The following SYNE2 variants were observed in gnomAD, a reference collection of about 807,000 sequenced individuals.
SYNE2 encodes nesprin-2.
Under a neutral mutation model 856.3 loss-of-function variants are expected in SYNE2, and 431 were observed. The observed-to-expected ratio is 0.50, with a 90% CI of 0.47 to 0.55. SYNE2 has a LOEUF of 0.55. Among genes scored for constraint, SYNE2 ranks in the 20% least tolerant of loss-of-function variants. The probability of loss-of-function intolerance (pLI) is 0.00; values close to 1 mark genes in which losing one functional copy is unlikely to be tolerated. For missense variants in SYNE2, 8,129 were observed against 8,023.2 expected, an observed-to-expected ratio of 1.01 and a Z score of -0.50; for synonymous variants, 2,923 against 2,872.3, an observed-to-expected ratio of 1.02 and a Z score of -0.56.
At chr14:63,995,755 A>ATCTATCTATCTG (rs2096709215) in intron 23 of SYNE2, among the ~76,000 whole-genome samples, 1 of 151,862 alleles carries the variant, frequency 6.6e-6, no homozygotes, top group South Asian at 2.1e-4. Flanking sequence ...CTATCTATCT[A>ATCTATCTATCTG]TCTATCTATC....
intron 1 of SYNE2, among the ~76,000 whole-genome samples, chr14:63,907,394 A>G (rs77148356): frequency 0.015 from 2,221 of 152,252 alleles, 48 homozygotes; most frequent in African/African-American, 0.05. Flanking sequence ...TGGCTCCATC[A>G]TTTATTACCT....
intron 1 of SYNE2, among the ~76,000 whole-genome samples, chr14:63,874,308 C>T (rs757414455): frequency 2.0e-5 from 3 of 152,152 alleles, no homozygotes; most frequent in Non-Finnish European, 4.4e-5. Context: ...AGCATTGCAT[C>T]TGATTTCCTT....
At chr14:64,114,753 G>T (rs537620257) in intron 66 of SYNE2, among the ~76,000 whole-genome samples, 1 of 151,860 alleles carries the variant, frequency 6.6e-6, no homozygotes, top group Admixed American at 6.6e-5. Flanking sequence ...GGGTAGCTGG[G>T]ACTACAGCCC....
intron 1 of SYNE2, among the ~76,000 whole-genome samples, chr14:63,770,699 A>G (rs1047655235): frequency 5.3e-5 from 8 of 152,030 alleles, no homozygotes; most frequent in African/African-American, 1.7e-4. Flanking sequence ...CTGAGCTGGG[A>G]GGATCATTTG....
chr14:63,878,534 T>C (rs1595384196), intron 1 of SYNE2, among the ~76,000 whole-genome samples: 1 of 150,674 alleles, frequency 6.6e-6, no homozygotes, highest in African/African-American at 2.4e-5. Context: ...TTTTATTTTT[T>C]TCTTTATTTT....
intron 11 of SYNE2, among the ~76,000 whole-genome samples, chr14:63,974,804 G>GTGTGTATATA (rs2096519521): frequency 7.6e-6 from 1 of 130,862 alleles, no homozygotes; most frequent in Non-Finnish European, 1.6e-5. Flanking sequence ...GTGTATATAT[G>GTGTGTATATA]TGTATATATG....
intron 102 of SYNE2, 73 bp downstream of exon 102, chr14:64,209,651 C>G: frequency 6.3e-7 from 1 of 1,593,550 alleles, no homozygotes; most frequent in Non-Finnish European, 8.5e-7. Flanking sequence ...GCTGAAATGA[C>G]TTCCTCTAAG....
In SYNE2 at chr14:64,141,961, C is replaced by T. The variant is rs371146862; in HGVS notation, c.15179C>T (p.Pro5060Leu). The change falls in exon 82 of 116, where the codon CCG becomes CTG. Residue 5060 changes from proline (P) to leucine (L), a missense_variant. By Grantham distance (98) the Pro-to-Leu change is moderately conservative. Transcript: ENST00000555002. The part of the protein sequence containing the change: ...KLHQLQMEKL[P>L]SRKAITEMIS... ...TTACAGCTTCAAATGGAGAAATTGCCGTCTCGTAAAGCAATCACAGAAATG... is the reference window on the plus strand; with the variant it reads ...TTACAGCTTCAAATGGAGAAATTGCTGTCTCGTAAAGCAATCACAGAAATG... The T allele has an allele frequency of 1.9e-5, 31 of 1,613,836 alleles. No individual in the cohort carries two copies. The African/African-American group carries it at 2.0e-4, about 10-fold the overall frequency.
Position 63,999,050 on chromosome 14 carries a change from A to G in SYNE2, c.3480+10A>G. 1 of 1,612,002 alleles carries G rather than the reference A, an allele frequency of 6.2e-7. No homozygotes were observed. The highest frequency in any genetic ancestry group is 8.5e-7 in the Non-Finnish European group (1 of 1,178,288). ...ACTGACAGATCTACAGGTAATTACC[A>G]AAAATATTATTTCTCTGATTATCTT... On this transcript the variant is annotated intron_variant, in intron 27 of 115. Transcript: ENST00000555002.
intron 99 of SYNE2, among the ~76,000 whole-genome samples, chr14:64,201,152 G>A (rs1405590779): frequency 6.6e-6 from 1 of 152,208 alleles, no homozygotes; most frequent in Non-Finnish European, 1.5e-5. Flanking sequence ...AGAGCTCTTA[G>A]ATGGGAGAAT....
intron 93 of SYNE2, among the ~76,000 whole-genome samples, chr14:64,169,936 C>T (rs988636735): frequency 2.0e-5 from 3 of 152,136 alleles, no homozygotes; most frequent in African/African-American, 4.8e-5. Flanking sequence ...TTCCTTTCCA[C>T]GTTTGGCCTA....
chr14:64,040,596 A>AT (rs1290538701), intron 45 of SYNE2, among the ~76,000 whole-genome samples: 19 of 55,566 alleles, frequency 3.4e-4, no homozygotes, highest in Admixed American at 1.2e-3. Flanking sequence ...GTGAGGTTAA[A>AT]AATATATATA....
chr14:63,909,274 C>T (rs1007145207), intron 2 of SYNE2, 47 bp downstream of exon 2: 1 of 1,316,872 alleles, frequency 7.6e-7, no homozygotes, highest in Non-Finnish European at 1.1e-6. Context: ...CTGGGGAAAC[C>T]TTACTTTTAT....
intron 45 of SYNE2, among the ~76,000 whole-genome samples, chr14:64,045,609 G>A (rs1360491924): frequency 6.6e-6 from 1 of 152,198 alleles, no homozygotes; most frequent in Non-Finnish European, 1.5e-5. Flanking sequence ...TCCCCTGTGA[G>A]ATGCTGCTGC....
At chr14:64,047,444 G>A (rs1871522394) in intron 45 of SYNE2, among the ~76,000 whole-genome samples, 1 of 152,212 alleles carries the variant, frequency 6.6e-6, no homozygotes, top group African/African-American at 2.4e-5. Context: ...CCAAACAGGA[G>A]GACAAGTTCT....
intron 2 of SYNE2, among the ~76,000 whole-genome samples, chr14:63,932,987 A>AT (rs1463656721): frequency 1.3e-5 from 2 of 152,168 alleles, no homozygotes; most frequent in South Asian, 2.1e-4. Context: ...AGAATTGATC[A>AT]TTTTTTCAGT....
intron 11 of SYNE2, among the ~76,000 whole-genome samples, chr14:63,975,006 T>G (rs1566950641): frequency 1.3e-5 from 2 of 149,732 alleles, no homozygotes. Flanking sequence ...TGCCTGGCTC[T>G]GTGACGTCAC....
intron 1 of SYNE2, among the ~76,000 whole-genome samples, chr14:63,775,352 G>A (rs1387400987): frequency 6.6e-6 from 1 of 151,564 alleles, no homozygotes; most frequent in Non-Finnish European, 1.5e-5. Context: ...TCGGCTCACT[G>A]CAACCCCTGC....
At chr14:63,919,734 A>C (rs8007889) in intron 2 of SYNE2, among the ~76,000 whole-genome samples, 45,286 of 151,670 alleles carry the variant, frequency 0.3, 9,363 homozygotes, top group African/African-American at 0.6. Flanking sequence ...GTAAAGCATA[A>C]TAAATGCCAC....
Sources: allele counts gnomAD v4.1 joint callset (sites outside exome capture counted in the v4.1 genomes callset), GRCh38; gene constraint gnomAD v4.1.1; transcripts MANE v1.5; gene names NCBI Gene and HGNC (gene_info 2026-07-23, HGNC 2026-07-21).